The following CLIP2 variants were observed in gnomAD, a reference collection of about 807,000 sequenced individuals.
CLIP2 encodes CAP-Gly domain-containing linker protein 2.
A neutral mutation model predicts 111.7 loss-of-function variants in CLIP2; 41 were observed. The observed-to-expected ratio is 0.37, with a 90% CI of 0.29 to 0.48. CLIP2 has a LOEUF of 0.48. Among genes scored for constraint, CLIP2 ranks in the 20% least tolerant of loss-of-function variants. The pLI is 0.99. For missense variants in CLIP2, 1,160 were observed against 1,422.1 expected, an observed-to-expected ratio of 0.82 and a Z score of 2.96; for synonymous variants, 660 against 644.2, an observed-to-expected ratio of 1.02 and a Z score of -0.37.
At chr7:74,326,314 A>G (rs1789104687) in intron 2 of CLIP2, among the ~76,000 whole-genome samples, 2 of 152,002 alleles carry the variant, frequency 1.3e-5, no homozygotes, top group Admixed American at 1.3e-4. Flanking sequence ...CAGAGCTGAG[A>G]CTCATGCCAG....
chr7:74,294,251 C>T (rs1360611106), intron 1 of CLIP2, among the ~76,000 whole-genome samples: 14 of 152,202 alleles, frequency 9.2e-5, no homozygotes, highest in Admixed American at 8.5e-4. Context: ...TATCCTGGCT[C>T]TTCTCACTGG....
intron 2 of CLIP2, among the ~76,000 whole-genome samples, chr7:74,335,001 C>A (rs1789408651): frequency 6.6e-6 from 1 of 151,092 alleles, no homozygotes; most frequent in African/African-American, 2.4e-5. Context: ...GACTCTGTCT[C>A]AAAAAAACAA....
intron 8 of CLIP2, 44 bp downstream of exon 8, chr7:74,364,359 G>T (rs1244100777): frequency 2.6e-6 from 4 of 1,564,226 alleles, no homozygotes; most frequent in Non-Finnish European, 3.5e-6. Flanking sequence ...TAGCACCGGT[G>T]CCTGGCCCTT....
At chr7:74,336,991 T>A (rs1406424652) in intron 2 of CLIP2, among the ~76,000 whole-genome samples, 5 of 151,366 alleles carry the variant, frequency 3.3e-5, no homozygotes, top group African/African-American at 1.2e-4. Flanking sequence ...GTTCAAGCAA[T>A]TCTCCTGTCT....
intron 1 of CLIP2, among the ~76,000 whole-genome samples, chr7:74,298,451 A>G (rs1414858293): frequency 6.9e-6 from 1 of 145,116 alleles, no homozygotes. Context: ...TGATCCACCC[A>G]GCTCGGCCTC....
At chr7:74,372,022 TG>T (rs1790640486) in intron 8 of CLIP2, among the ~76,000 whole-genome samples, 1 of 152,118 alleles carries the variant, frequency 6.6e-6, no homozygotes, top group African/African-American at 2.4e-5. Context: ...CCTTCTCTCC[TG>T]GAGTATAAAG....
intron 2 of CLIP2, among the ~76,000 whole-genome samples, chr7:74,319,707 A>G (rs1259012245): frequency 6.6e-6 from 1 of 151,818 alleles, no homozygotes; most frequent in African/African-American, 2.4e-5. Flanking sequence ...TGTAGTCCCA[A>G]GTACTCAGGA....
chr7:74,326,163 C>A (rs934087206), intron 2 of CLIP2, among the ~76,000 whole-genome samples: 3 of 152,140 alleles, frequency 2.0e-5, no homozygotes, highest in Admixed American at 6.6e-5. Context: ...TGGCTTGAAC[C>A]TGGAAGGCAG....
intron 2 of CLIP2, among the ~76,000 whole-genome samples, chr7:74,334,706 G>A (rs1293448569): frequency 1.3e-5 from 2 of 151,490 alleles, no homozygotes; most frequent in African/African-American, 2.4e-5. Flanking sequence ...CTGGCTGGGC[G>A]TGGTAGCTTG....
chr7:74,325,259 G>A (rs565194), intron 2 of CLIP2, among the ~76,000 whole-genome samples: 94,224 of 151,952 alleles, frequency 0.62, 31,064 homozygotes, highest in Middle Eastern at 0.74. Context: ...GGTCTCTCAC[G>A]CTAGGAGGTG....
chr7:74,294,920 A>T (rs1788127967), intron 1 of CLIP2, among the ~76,000 whole-genome samples: 2 of 151,986 alleles, frequency 1.3e-5, no homozygotes, highest in Admixed American at 1.3e-4. Flanking sequence ...TGGGTGGGGT[A>T]GTCTGAAGGG....
At chr7:74,367,799 G>GT (rs1475028995) in intron 8 of CLIP2, among the ~76,000 whole-genome samples, 2 of 152,164 alleles carry the variant, frequency 1.3e-5, no homozygotes, top group Non-Finnish European at 2.9e-5. Context: ...ACAGTTGGCT[G>GT]GGCATGGTGG....
rs782670726 is a variant in CLIP2 at position 74,400,389 on chromosome 7, C to T, written c.2900C>T (p.Ser967Leu). ...LTGLDKEKSLSDQRRYSLIDR... is the reference protein window; with the variant it reads ...LTGLDKEKSLLDQRRYSLIDR... ...TTCCAGGACAAAGAGAAATCCCTGT[C>T]GGATCAGAGGCGCTACTCCCTCATC... The change falls in exon 15 of 17, where the codon TCG becomes TTG. Residue 967 changes from serine (S) to leucine (L), a missense_variant. Physicochemically the swap from Ser to Leu is moderately radical, Grantham distance 145 (BLOSUM62 -2). This residue lies in a region of CLIP2 where 676 missense variants were observed against 777.8 expected (regional missense o/e 0.87). Coordinates refer to ENST00000223398, the MANE Select transcript of CLIP2 (RefSeq NM_003388.5). 6.2e-6 allele frequency: 10 copies of T among 1,609,884 alleles called. No homozygotes were observed. Among genetic ancestry groups the T allele is most frequent in the Middle Eastern group, 1.6e-4 (1 of 6,072 alleles).
intron 3 of CLIP2, among the ~76,000 whole-genome samples, chr7:74,348,699 A>G (rs1174039444): frequency 6.6e-6 from 1 of 151,202 alleles, no homozygotes; most frequent in East Asian, 2.0e-4. Context: ...CTGAGGCAGG[A>G]GAATGGCATG....
chr7:74,331,562 CT>C lies in CLIP2; in HGVS notation c.122-6863del, dbSNP rs1213774851. Among the ~76,000 whole-genome samples the C allele has an allele frequency of 4.9e-3, 592 of 120,470 alleles. 1 individual carries two copies. The highest frequency in any genetic ancestry group is 0.016 in the African/African-American group (478 of 30,210). The allele number at this position is 120,470 out of a possible 152,430, so 79.0% of individuals were successfully genotyped here. ...TCGTTTTCTTTTTCTTTCTTTCTTT[CT>C]TTTTTTTTTTTTTTTTTTTTTTGAG... On this transcript the variant is annotated intron_variant, in intron 2 of 16. Coordinates refer to ENST00000223398, the MANE Select transcript of CLIP2 (RefSeq NM_003388.5).
chr7:74,400,848 G>T (rs1432703555), intron 15 of CLIP2, among the ~76,000 whole-genome samples: 6 of 151,576 alleles, frequency 4.0e-5, no homozygotes, highest in African/African-American at 1.2e-4. Context: ...TGGTCTGAAG[G>T]GGGAGGCAGC....
chr7:74,332,998 T>A (rs1789338750), intron 2 of CLIP2, among the ~76,000 whole-genome samples: 1 of 152,120 alleles, frequency 6.6e-6, no homozygotes. Context: ...GAGGGGAGAA[T>A]GCGTCATCTG....
rs577913208 is a variant in CLIP2, at chr7:74,338,299, C to T, written c.122-149C>T. Reference sequence around the variant, plus strand: ...GGCGGATTTCTTGAGGTCAGGAGTTCGAGACCAGCCTGGCCGAGATGGTGA... The same window carrying T: ...GGCGGATTTCTTGAGGTCAGGAGTTTGAGACCAGCCTGGCCGAGATGGTGA... On this transcript the variant is annotated intron_variant, in intron 2 of 16. Coordinates refer to ENST00000223398, the MANE Select transcript of CLIP2 (RefSeq NM_003388.5). The surrounding 1 kb of genome is among the most constrained non-coding windows in gnomAD (Gnocchi z 4.3). The T allele has an allele frequency of 1.3e-5, 12 of 913,166 alleles. No individual in the cohort carries two copies. The highest frequency in any genetic ancestry group is 3.5e-5 in the South Asian group (2 of 56,530). 56.6% of individuals were successfully genotyped at this position (913,166 alleles called of 1,614,324 possible). A position where few individuals can be genotyped will look rare whatever the true frequency, so the allele number is the denominator to read the frequency against.
chr7:74,389,048 CAGA>C, intron 12 of CLIP2, 52 bp from the exon 13 acceptor site: 1 of 1,548,282 alleles, frequency 6.5e-7, no homozygotes, highest in Non-Finnish European at 8.7e-7. Context: ...TTGGGTGGGA[CAGA>C]AGCTCACGTG....
Sources: gnomAD v4.1 joint callset for allele counts (sites outside exome capture counted in the v4.1 genomes callset) on GRCh38, gnomAD v4.1.1 for gene constraint, gnomAD v4.1.1 regional missense constraint, Gnocchi (gnomAD v3.1) non-coding constraint, MANE v1.5 for transcripts, NCBI Gene and HGNC (gene_info 2026-07-23, HGNC 2026-07-21) for gene names.